The following BRINP3 variants were observed in gnomAD, a reference collection of about 807,000 sequenced individuals.
BRINP3 encodes BMP/retinoic acid-inducible neural-specific protein 3.
A neutral mutation model predicts 71.0 loss-of-function variants in BRINP3; 19 were observed. That is an observed-to-expected ratio of 0.27 (90% confidence interval 0.19 to 0.39). The LOEUF (loss-of-function observed/expected upper bound fraction) is 0.39, where lower values mean the gene tolerates loss of function less well. BRINP3 is among the 10% of genes least tolerant of loss of function. The pLI, the probability that BRINP3 is intolerant of heterozygous loss-of-function variation, is 1.00. For missense variants in BRINP3, 959 were observed against 940.8 expected (o/e 1.02, Z -0.25); for synonymous variants, 380 against 337.7 (o/e 1.13, Z -1.37).
At chr1:190,355,598 T>A (rs997816604) in intron 2 of BRINP3, among the ~76,000 whole-genome samples, 1 of 151,960 alleles carries the variant, frequency 6.6e-6, no homozygotes, top group East Asian at 1.9e-4. Context: ...TATTAAGTTA[T>A]GAAAATTTTT....
intron 1 of BRINP3, among the ~76,000 whole-genome samples, chr1:190,462,845 A>G (rs1676485772): frequency 6.6e-6 from 1 of 152,068 alleles, no homozygotes; most frequent in South Asian, 2.1e-4. Flanking sequence ...CCTTTGCATA[A>G]AATAAAAATT....
chr1:190,143,865 T>C (rs148805120), intron 7 of BRINP3, among the ~76,000 whole-genome samples: 123 of 152,276 alleles, frequency 8.1e-4, no homozygotes, highest in Middle Eastern at 6.8e-3. Flanking sequence ...CCTAGACAGA[T>C]TGGTAATCTG....
At chr1:190,260,524 T>A (rs947737120) in intron 4 of BRINP3, among the ~76,000 whole-genome samples, 1 of 151,942 alleles carries the variant, frequency 6.6e-6, no homozygotes, top group Non-Finnish European at 1.5e-5. Context: ...TCTTGGGTAT[T>A]CTTAAAGTAA....
chr1:190,112,625 C>T (rs1652789682), intron 7 of BRINP3, among the ~76,000 whole-genome samples: 1 of 151,882 alleles, frequency 6.6e-6, no homozygotes, highest in Non-Finnish European at 1.5e-5. Context: ...TGTACTTTTT[C>T]CTTTTCTAAA....
intron 4 of BRINP3, among the ~76,000 whole-genome samples, chr1:190,263,587 CTTTTTT>C (rs34792964): frequency 1.5e-5 from 2 of 129,454 alleles, no homozygotes; most frequent in African/African-American, 2.8e-5. Flanking sequence ...GAAGTAGTAA[CTTTTTT>C]TTTTTTTTTT....
At chr1:190,410,139 A>G (rs574921941) in intron 2 of BRINP3, among the ~76,000 whole-genome samples, 7 of 152,206 alleles carry the variant, frequency 4.6e-5, no homozygotes, top group East Asian at 3.9e-4. Context: ...TTAAAGATGT[A>G]AGAAATGATA....
intron 1 of BRINP3, among the ~76,000 whole-genome samples, chr1:190,463,358 G>A (rs1427165319): frequency 6.6e-6 from 1 of 151,124 alleles, no homozygotes; most frequent in Non-Finnish European, 1.5e-5. Flanking sequence ...ATAATGACAA[G>A]GATATAAGGA....
intron 2 of BRINP3, among the ~76,000 whole-genome samples, chr1:190,295,350 T>C (rs1664170530): frequency 6.6e-6 from 1 of 152,088 alleles, no homozygotes; most frequent in Non-Finnish European, 1.5e-5. Flanking sequence ...CTCTTCCCTC[T>C]TCTTTTCCCA....
intron 7 of BRINP3, among the ~76,000 whole-genome samples, chr1:190,100,203 CACA>C (rs1651581455): frequency 6.6e-6 from 1 of 152,142 alleles, no homozygotes; most frequent in South Asian, 2.1e-4. Context: ...ACAGTAGATA[CACA>C]ACAATTCCAT....
At chr1:190,104,951 A>G (rs1406104692) in intron 7 of BRINP3, among the ~76,000 whole-genome samples, 2 of 152,060 alleles carry the variant, frequency 1.3e-5, no homozygotes, top group Non-Finnish European at 2.9e-5. Context: ...AAAGATTAGC[A>G]CTTTTTTATG....
intron 4 of BRINP3, among the ~76,000 whole-genome samples, chr1:190,242,224 T>C (rs1033290803): frequency 4.6e-5 from 7 of 152,180 alleles, no homozygotes; most frequent in Admixed American, 3.3e-4. Flanking sequence ...ATTTACAGTG[T>C]ATTTTGTGGG....
chr1:190,202,781 C>A (rs952131736), intron 6 of BRINP3, among the ~76,000 whole-genome samples: 1 of 152,066 alleles, frequency 6.6e-6, no homozygotes, highest in African/African-American at 2.4e-5. Context: ...CTCCTCCTTG[C>A]CTTCCGCCAT....
At chr1:190,290,036 T>C (rs1324030267) in intron 2 of BRINP3, among the ~76,000 whole-genome samples, 4 of 152,040 alleles carry the variant, frequency 2.6e-5, no homozygotes, top group Non-Finnish European at 5.9e-5. Flanking sequence ...TGAGCTAAAA[T>C]GAAATAGCTA....
chr1:190,175,012 G>A (rs1206845516), intron 6 of BRINP3, among the ~76,000 whole-genome samples: 2 of 152,062 alleles, frequency 1.3e-5, no homozygotes, highest in East Asian at 3.9e-4. Flanking sequence ...AACCCTGAGA[G>A]CCAGTCATAA....
intron 2 of BRINP3, among the ~76,000 whole-genome samples, chr1:190,427,053 T>C (rs1453807855): frequency 6.6e-6 from 1 of 151,920 alleles, no homozygotes; most frequent in African/African-American, 2.4e-5. Context: ...CTATTCTTTC[T>C]AGTGTTAAAG....
At chr1:190,292,223 T>C (rs115675687) in intron 2 of BRINP3, among the ~76,000 whole-genome samples, 1,592 of 152,210 alleles carry the variant, frequency 0.01, 25 homozygotes, top group African/African-American at 0.036. Context: ...AAGAGGTCCA[T>C]TGTAGAGCAT....
rs925573924 is a variant in BRINP3, at chr1:190,197,122, C to T, written c.961+28960G>A. ...GGAAAACAAAGGAGAAGCAAAGGTG[C>T]ATTTTAAATGGTGGCAGGCAAGAGA... is the stretch of plus-strand genomic sequence containing the variant. On this transcript the variant is annotated intron_variant, in intron 6 of 7. Coordinates refer to ENST00000367462, the MANE Select transcript of BRINP3 (RefSeq NM_199051.3). Among the ~76,000 whole-genome samples, 3 of 151,892 alleles carry T rather than the reference C, an allele frequency of 2.0e-5. No individual in the cohort carries two copies. In the South Asian group the frequency reaches 6.2e-4, roughly 31 times the overall value.
intron 2 of BRINP3, among the ~76,000 whole-genome samples, chr1:190,367,638 CT>C (rs1669595147): frequency 6.6e-6 from 1 of 152,130 alleles, no homozygotes; most frequent in Non-Finnish European, 1.5e-5. Context: ...TATGCTATGC[CT>C]CCTATTGAAT....
intron 7 of BRINP3, among the ~76,000 whole-genome samples, chr1:190,115,659 C>G (rs1055593078): frequency 1.3e-5 from 2 of 152,070 alleles, no homozygotes; most frequent in African/African-American, 4.8e-5. Flanking sequence ...TCTGCCTCAC[C>G]AACCTCAGTG....
Sources: gnomAD v4.1 joint callset for allele counts (sites outside exome capture counted in the v4.1 genomes callset) on GRCh38, gnomAD v4.1.1 for gene constraint, MANE v1.5 for transcripts, NCBI Gene and HGNC (gene_info 2026-07-23, HGNC 2026-07-21) for gene names.